The following PLD1 variants were observed in gnomAD, a reference collection of about 807,000 sequenced individuals.
PLD1 encodes phospholipase D1.
Under a neutral mutation model 137.1 loss-of-function variants are expected in PLD1, and 112 were observed. That is an observed-to-expected ratio of 0.82 (90% CI 0.70 to 0.96). The LOEUF is 0.96. PLD1 is among the 40% of genes least tolerant of loss of function. The pLI is 0.00. For missense variants in PLD1, 1,321 were observed against 1,342.0 expected (o/e 0.98, Z 0.24); for synonymous variants, 431 against 454.7 (o/e 0.95, Z 0.66).
At chr3:171,660,353 A>G (rs1737563695) in intron 20 of PLD1, among the ~76,000 whole-genome samples, 1 of 152,172 alleles carries the variant, frequency 6.6e-6, no homozygotes, top group Non-Finnish European at 1.5e-5. Context: ...TTGGCAACCA[A>G]ACCATGTTTC....
Position 171,699,741 on chromosome 3 carries a change from A to C in PLD1, c.1227+4T>G. The C allele has an allele frequency of 6.2e-7, 1 of 1,602,286 alleles. No homozygotes were observed. Among genetic ancestry groups the C allele is most frequent in the Non-Finnish European group, 8.6e-7 (1 of 1,169,496 alleles). On this transcript the variant is annotated splice_donor_region_variant and intron_variant, in intron 12 of 26. Transcript: ENST00000351298. ...ATATCAGCATTTTCTGGGAAAGTAC[A>C]TACTGCTTTTCGTTTAAGAATGCAG...
intron 24 of PLD1, 60 bp downstream of exon 24, chr3:171,620,326 T>C (rs1733479687): frequency 7.7e-7 from 1 of 1,299,794 alleles, no homozygotes; most frequent in African/African-American, 1.5e-5. Flanking sequence ...CAGCAAACAT[T>C]TTTGCATGGG....
chr3:171,786,018 T>G (rs1723001166), intron 1 of PLD1, among the ~76,000 whole-genome samples: 1 of 152,162 alleles, frequency 6.6e-6, no homozygotes. Flanking sequence ...TTCCTTCACA[T>G]GCAGTAGGCC....
chr3:171,799,824 C>T (rs9839880), intron 1 of PLD1, among the ~76,000 whole-genome samples: 45,238 of 151,934 alleles, frequency 0.3, 7,083 homozygotes, highest in Admixed American at 0.36. Flanking sequence ...CAATCTAATC[C>T]TGAGAAAAAC....
intron 26 of PLD1, among the ~76,000 whole-genome samples, chr3:171,603,947 T>C (rs568574173): frequency 2.4e-4 from 36 of 152,266 alleles, no homozygotes; most frequent in African/African-American, 8.4e-4. Context: ...AGGACCCAAA[T>C]AAGGCTGTGC....
intron 8 of PLD1, among the ~76,000 whole-genome samples, chr3:171,721,929 G>C (rs952071802): frequency 6.6e-6 from 1 of 151,742 alleles, no homozygotes; most frequent in African/African-American, 2.4e-5. Context: ...TTTTTTTGTT[G>C]GTAGTATATC....
intron 19 of PLD1, among the ~76,000 whole-genome samples, chr3:171,672,146 T>C (rs1712835405): frequency 6.6e-6 from 1 of 152,234 alleles, no homozygotes; most frequent in Non-Finnish European, 1.5e-5. Flanking sequence ...TCTTACAGCA[T>C]GCTGGTCCTT....
intron 23 of PLD1, among the ~76,000 whole-genome samples, chr3:171,630,164 C>G (rs1578142558): frequency 6.7e-6 from 1 of 149,098 alleles, no homozygotes; most frequent in Non-Finnish European, 1.5e-5. Flanking sequence ...AACAAATTTA[C>G]AAGAAAAAAA....
chr3:171,637,679 A>G (rs912064427), intron 23 of PLD1, among the ~76,000 whole-genome samples: 6 of 152,184 alleles, frequency 3.9e-5, no homozygotes, highest in African/African-American at 7.2e-5. Flanking sequence ...TGAACATCAT[A>G]AAGTGTAATT....
At position 171,682,825 on chromosome 3, in the gene PLD1, A is replaced by C. The variant is rs561017140; in HGVS notation, c.1867+3860T>G. ...AGCCTTTTAAAAACTCCAGGATCCA[A>C]GGAATCGACTTTGGAAAGCACTGCT... On this transcript the variant is annotated intron_variant, in intron 16 of 26. Transcript: ENST00000351298. 2.6e-5 allele frequency among the ~76,000 whole-genome samples: 4 copies of C among 152,330 alleles called. No individual in the cohort carries two copies. The South Asian group carries it at 8.3e-4, about 32-fold the overall frequency.
At chr3:171,806,348 G>A (rs1723848723) in intron 1 of PLD1, among the ~76,000 whole-genome samples, 1 of 152,228 alleles carries the variant, frequency 6.6e-6, no homozygotes, top group African/African-American at 2.4e-5. Context: ...ACTGCACTGT[G>A]AATTTAGGGA....
At chr3:171,645,883 C>CAAAAAAAAAAAAAAAAAAAAAAAAAAA (rs1162718346) in intron 21 of PLD1, among the ~76,000 whole-genome samples, 2 of 59,204 alleles carry the variant, frequency 3.4e-5, no homozygotes, top group Non-Finnish European at 6.8e-5. Context: ...GACTCCATCT[C>CAAAAAAAAAAAAAAAAAAAAAAAAAAA]AAAAAAAAAA....
intron 1 of PLD1, among the ~76,000 whole-genome samples, chr3:171,802,292 A>G (rs1723679869): frequency 6.6e-6 from 1 of 152,218 alleles, no homozygotes; most frequent in African/African-American, 2.4e-5. Context: ...AAAGAATTTC[A>G]GATAGTGGTG....
chr3:171,780,740 A>C (rs902830958), intron 1 of PLD1, among the ~76,000 whole-genome samples: 3 of 152,250 alleles, frequency 2.0e-5, no homozygotes, highest in African/African-American at 7.2e-5. Flanking sequence ...GAGTGGGCTC[A>C]AGAGAAATTT....
chr3:171,779,355 G>A (rs984329994), intron 1 of PLD1, among the ~76,000 whole-genome samples: 1 of 152,144 alleles, frequency 6.6e-6, no homozygotes, highest in Non-Finnish European at 1.5e-5. Context: ...GGGTCGTGAT[G>A]CAGAGTGTAA....
At chr3:171,764,866 A>AG (rs796566714) in intron 1 of PLD1, among the ~76,000 whole-genome samples, 234 of 23,036 alleles carry the variant, frequency 0.01, 26 homozygotes, top group African/African-American at 0.027. Context: ...AAAGAAAGAA[A>AG]GAAAGAAAGA....
chr3:171,651,741 A>C lies in PLD1; in HGVS notation c.2430-6718T>G, dbSNP rs950146206. On this transcript the variant is annotated intron_variant, in intron 21 of 26. Transcript: ENST00000351298. ...ACCCTGGGCTTGATAGTCTTTGGCA[A>C]GCCTAGCCCTGAGTGGCCCCCAAAT... 3.3e-5 allele frequency among the ~76,000 whole-genome samples: 5 copies of C among 152,292 alleles called. No homozygotes were observed. In the East Asian group the frequency reaches 7.7e-4, roughly 24 times the overall value.
At chr3:171,693,230 G>C (rs1284477284) in intron 12 of PLD1, among the ~76,000 whole-genome samples, 1 of 152,188 alleles carries the variant, frequency 6.6e-6, no homozygotes, top group East Asian at 1.9e-4. Context: ...TAGTTCATGA[G>C]CATGATGATT....
intron 1 of PLD1, among the ~76,000 whole-genome samples, chr3:171,802,480 A>G (rs1286819773): frequency 6.6e-6 from 1 of 152,188 alleles, no homozygotes; most frequent in Non-Finnish European, 1.5e-5. Context: ...GAAGCCATGC[A>G]AAGACTTAGG....
Sources: gnomAD v4.1 joint callset for allele counts (sites outside exome capture counted in the v4.1 genomes callset) on GRCh38, gnomAD v4.1.1 for gene constraint, MANE v1.5 for transcripts, NCBI Gene and HGNC (gene_info 2026-07-23, HGNC 2026-07-21) for gene names.